Variants in EXOC4 observed in about 807,000 individuals in gnomAD.
EXOC4 encodes exocyst complex component 4.
In EXOC4, 71 loss-of-function variants were observed where a neutral mutation model predicts 107.2. The observed-to-expected ratio is 0.66, with a 90% confidence interval of 0.55 to 0.81. EXOC4 has a LOEUF of 0.81. EXOC4 is among the 30% of genes least tolerant of loss of function. The pLI is 0.00. For missense variants in EXOC4, 1,108 were observed against 1,189.6 expected (o/e 0.93, Z 1.01); for synonymous variants, 456 against 441.2 (o/e 1.03, Z -0.42).
intron 5 of EXOC4, among the ~76,000 whole-genome samples, chr7:133,319,125 T>C (rs1457188498): frequency 6.6e-6 from 1 of 152,250 alleles, no homozygotes; most frequent in Non-Finnish European, 1.5e-5. Context: ...TATTAATTTA[T>C]GTAAATGTTG....
intron 11 of EXOC4, among the ~76,000 whole-genome samples, chr7:133,867,934 C>A (rs1257224869): frequency 6.6e-6 from 1 of 152,162 alleles, no homozygotes; most frequent in African/African-American, 2.4e-5. Context: ...TGCTAATGGC[C>A]TTCTCTTTTA....
chr7:134,032,849 A>T (rs1585337935), intron 17 of EXOC4, among the ~76,000 whole-genome samples: 2 of 152,352 alleles, frequency 1.3e-5, no homozygotes, highest in East Asian at 3.9e-4. Flanking sequence ...CTTCCTGACC[A>T]CTGGGCAAAG....
At chr7:133,258,220 A>G (rs1325961090) in intron 1 of EXOC4, among the ~76,000 whole-genome samples, 1 of 152,226 alleles carries the variant, frequency 6.6e-6, no homozygotes, top group African/African-American at 2.4e-5. Flanking sequence ...AAGGGGCAAC[A>G]CAATTACCGT....
intron 11 of EXOC4, among the ~76,000 whole-genome samples, chr7:133,856,966 A>G (rs963263682): frequency 1.3e-4 from 19 of 150,128 alleles, no homozygotes; most frequent in Non-Finnish European, 2.5e-4. Context: ...GCCTGGTGGC[A>G]CATGCCTGTA....
the EXOC4 span, among the ~76,000 whole-genome samples, chr7:134,077,165 G>C: frequency 6.6e-6 from 1 of 152,172 alleles, no homozygotes; most frequent in African/African-American, 2.4e-5. Context: ...GTAACTTTCA[G>C]TGGGGGAGTT....
intron 17 of EXOC4, among the ~76,000 whole-genome samples, chr7:134,056,936 T>C (rs370112180): frequency 6.6e-6 from 1 of 152,060 alleles, no homozygotes; most frequent in East Asian, 1.9e-4. Flanking sequence ...TGAAGAGAAA[T>C]AAAGCAAGTC....
At chr7:133,741,989 C>T (rs570445821) in intron 10 of EXOC4, among the ~76,000 whole-genome samples, 2 of 152,232 alleles carry the variant, frequency 1.3e-5, no homozygotes, top group East Asian at 3.9e-4. Context: ...GAAATGAATG[C>T]CCCCAAAGTC....
At chr7:134,069,503 TTTC>T (rs1796243680), downstream of EXOC4, among the ~76,000 whole-genome samples, 1 of 152,036 alleles carries the variant, frequency 6.6e-6, no homozygotes, top group Admixed American at 6.5e-5. Flanking sequence ...TCCTTTCTTC[TTTC>T]TTCTTCTTTG....
chr7:133,360,956 A>G (rs1796122663), intron 6 of EXOC4, among the ~76,000 whole-genome samples: 1 of 152,150 alleles, frequency 6.6e-6, no homozygotes, highest in Admixed American at 6.5e-5. Context: ...ATATTTGGTT[A>G]TTTATTGGCT....
At chr7:133,656,168 A>T (rs976686795) in intron 10 of EXOC4, among the ~76,000 whole-genome samples, 17 of 152,148 alleles carry the variant, frequency 1.1e-4, no homozygotes, top group African/African-American at 4.1e-4. Context: ...CAGTATTTGT[A>T]GTATAGAAGG....
At chr7:133,402,450 T>C (rs188443093) in intron 7 of EXOC4, among the ~76,000 whole-genome samples, 41 of 152,340 alleles carry the variant, frequency 2.7e-4, no homozygotes, top group African/African-American at 9.1e-4. Context: ...AAATGTAGAC[T>C]TTAATTCAGG....
intron 6 of EXOC4, among the ~76,000 whole-genome samples, chr7:133,364,941 T>C (rs1224977509): frequency 2.6e-5 from 4 of 152,204 alleles, no homozygotes; most frequent in Admixed American, 6.5e-5. Context: ...TTCTGGCTTA[T>C]ATAAACATGA....
intron 10 of EXOC4, among the ~76,000 whole-genome samples, chr7:133,663,813 C>T (rs1442529252): frequency 1.3e-5 from 2 of 152,168 alleles, no homozygotes; most frequent in Non-Finnish European, 2.9e-5. Flanking sequence ...GCTCCTCTCC[C>T]TTTTAACCAT....
At chr7:133,729,316 A>G (rs11761058) in intron 10 of EXOC4, among the ~76,000 whole-genome samples, 67,725 of 151,912 alleles carry the variant, frequency 0.45, 15,424 homozygotes, top group South Asian at 0.54. Flanking sequence ...TAAAAATGTT[A>G]TTTTTTTGAG....
At position 133,365,450 on chromosome 7, in the gene EXOC4, C is replaced by T. The variant is rs375012441; in HGVS notation, c.1007+8877C>T. On this transcript the variant is annotated intron_variant, in intron 6 of 17. Coordinates refer to ENST00000253861, the MANE Select transcript of EXOC4 (RefSeq NM_021807.4). The stretch of plus-strand genomic sequence containing the variant: ...AAATTTGGCATACATCAGGATTAGA[C>T]GTTTGAGGTCATCTCTCCAGAACTC... Among the ~76,000 whole-genome samples the T allele has an allele frequency of 8.1e-4, 123 of 152,226 alleles. 1 individual carries two copies. The highest frequency in any genetic ancestry group is 2.8e-3 in the African/African-American group (118 of 41,526).
intron 11 of EXOC4, among the ~76,000 whole-genome samples, chr7:133,889,585 A>G (rs1799164301): frequency 1.1e-5 from 1 of 91,994 alleles, no homozygotes; most frequent in African/African-American, 4.3e-5. Flanking sequence ...CCCCCTCCCC[A>G]CCACAGTCCC....
chr7:133,710,126 T>G (rs1794854057), intron 10 of EXOC4, among the ~76,000 whole-genome samples: 1 of 152,014 alleles, frequency 6.6e-6, no homozygotes, highest in Non-Finnish European at 1.5e-5. Context: ...AGCCAGGCAT[T>G]TAGAGAATAC....
At chr7:133,620,346 G>A (rs780256221) in intron 9 of EXOC4, among the ~76,000 whole-genome samples, 41 of 152,046 alleles carry the variant, frequency 2.7e-4, no homozygotes, top group Non-Finnish European at 4.6e-4. Context: ...TAACCAACTA[G>A]TTACTTAAAA....
At chr7:134,005,987 T>G (rs1363799877) in intron 16 of EXOC4, among the ~76,000 whole-genome samples, 1 of 152,108 alleles carries the variant, frequency 6.6e-6, no homozygotes, top group African/African-American at 2.4e-5. Flanking sequence ...AGCCAAAAAG[T>G]GTAAGTGATT....
Sources: allele counts gnomAD v4.1 joint callset (sites outside exome capture counted in the v4.1 genomes callset), GRCh38; gene constraint gnomAD v4.1.1; transcripts MANE v1.5; gene names NCBI Gene and HGNC (gene_info 2026-07-23, HGNC 2026-07-21).